The following PTPRD variants were observed in gnomAD, a reference collection of about 807,000 sequenced individuals.
PTPRD encodes the protein receptor-type tyrosine-protein phosphatase delta.
PTPRD carries 34 observed loss-of-function variants against 214.5 expected under a neutral mutation model. The observed-to-expected ratio is 0.16, with a 90% confidence interval of 0.12 to 0.21. The LOEUF is 0.21. PTPRD is among the 10% of genes least tolerant of loss of function. PTPRD has a pLI of 1.00. For missense variants in PTPRD, 2,545 were observed against 2,398.7 expected (o/e 1.06, Z -1.27); for synonymous variants, 1,128 against 845.7 (o/e 1.33, Z -5.79).
At chr9:9,646,995 A>G (rs2096206371) in intron 7 of PTPRD, among the ~76,000 whole-genome samples, 1 of 152,212 alleles carries the variant, frequency 6.6e-6, no homozygotes, top group Non-Finnish European at 1.5e-5. Context: ...ACTGTTGTGG[A>G]CATTTATACA....
intron 5 of PTPRD, among the ~76,000 whole-genome samples, chr9:9,779,329 A>G (rs1183621051): frequency 6.6e-6 from 1 of 152,120 alleles, no homozygotes; most frequent in African/African-American, 2.4e-5. Flanking sequence ...GAAAGCAATT[A>G]CAACAAAAAC....
chr9:8,983,172 G>C (rs899503175), intron 11 of PTPRD, among the ~76,000 whole-genome samples: 3 of 151,772 alleles, frequency 2.0e-5, no homozygotes, highest in African/African-American at 7.3e-5. Context: ...ATTGTGATTA[G>C]CAATAATTAG....
At chr9:9,461,157 T>C (rs567737501) in intron 8 of PTPRD, among the ~76,000 whole-genome samples, 2 of 151,252 alleles carry the variant, frequency 1.3e-5, no homozygotes, top group South Asian at 4.2e-4. Flanking sequence ...TAATAGACAC[T>C]GGGGGATCTA....
chr9:8,741,335 G>GTCATA (rs1363952997), intron 11 of PTPRD, among the ~76,000 whole-genome samples: 2 of 152,242 alleles, frequency 1.3e-5, no homozygotes, highest in East Asian at 3.9e-4. Flanking sequence ...ATTACTGCAT[G>GTCATA]TCATAGCTTC....
intron 11 of PTPRD, among the ~76,000 whole-genome samples, chr9:8,745,674 T>G (rs7041986): frequency 0.071 from 10,832 of 152,224 alleles, 1,024 homozygotes; most frequent in African/African-American, 0.22. Flanking sequence ...AGTAATAGAT[T>G]TTCTAAATTC....
chr9:9,476,543 T>C (rs13287051), intron 8 of PTPRD, among the ~76,000 whole-genome samples: 12,516 of 152,214 alleles, frequency 0.082, 626 homozygotes, highest in South Asian at 0.14. Context: ...AGAAAACTCA[T>C]TGATGTCAAG....
intron 9 of PTPRD, among the ~76,000 whole-genome samples, chr9:9,350,173 T>TA (rs1329234105): frequency 6.6e-6 from 1 of 151,978 alleles, no homozygotes; most frequent in African/African-American, 2.4e-5. Flanking sequence ...CTTAGTATCA[T>TA]AAAAAAATGT....
chr9:10,604,190 T>C (rs1004315888), intron 2 of PTPRD, among the ~76,000 whole-genome samples: 1 of 123,354 alleles, frequency 8.1e-6, no homozygotes, highest in African/African-American at 2.9e-5. Context: ...CTGACCATAT[T>C]CTGACCTAGC....
intron 3 of PTPRD, among the ~76,000 whole-genome samples, chr9:10,199,251 C>T (rs576911681): frequency 2.0e-5 from 3 of 151,904 alleles, no homozygotes; most frequent in East Asian, 1.9e-4. Context: ...TATTTCTTAC[C>T]GTAATTACTT....
chr9:10,377,380 T>C (rs1287950738), intron 2 of PTPRD, among the ~76,000 whole-genome samples: 1 of 151,996 alleles, frequency 6.6e-6, no homozygotes, highest in African/African-American at 2.4e-5. Flanking sequence ...CATGTTGGTG[T>C]GTTGCACCCA....
chr9:8,952,477 C>A (rs2099107839), intron 11 of PTPRD, among the ~76,000 whole-genome samples: 1 of 151,862 alleles, frequency 6.6e-6, no homozygotes. Flanking sequence ...AAATGTTGGG[C>A]TGATTTTAAC....
chr9:10,543,742 A>G (rs1205112042), intron 2 of PTPRD, among the ~76,000 whole-genome samples: 2 of 152,364 alleles, frequency 1.3e-5, no homozygotes, highest in East Asian at 3.9e-4. Flanking sequence ...CTCTGGTGCC[A>G]AGAGCTATTA....
intron 11 of PTPRD, among the ~76,000 whole-genome samples, chr9:8,887,840 C>T (rs186378592): frequency 7.9e-5 from 12 of 152,264 alleles, no homozygotes; most frequent in East Asian, 1.9e-4. Flanking sequence ...ATTATTTCCC[C>T]GCCACTTTCA....
chr9:9,835,354 A>C (rs903126633), intron 5 of PTPRD, among the ~76,000 whole-genome samples: 6 of 152,086 alleles, frequency 3.9e-5, no homozygotes, highest in African/African-American at 1.4e-4. Flanking sequence ...ATGATCCATT[A>C]ATCAGTTACC....
At chr9:9,244,894 AAGGG>A (rs1309711210) in intron 9 of PTPRD, among the ~76,000 whole-genome samples, 2 of 152,192 alleles carry the variant, frequency 1.3e-5, no homozygotes, top group Admixed American at 1.3e-4. Context: ...TCATCTGACA[AAGGG>A]CTAATATCCA....
At chr9:10,577,448 C>A (rs1420259021) in intron 2 of PTPRD, among the ~76,000 whole-genome samples, 2 of 152,160 alleles carry the variant, frequency 1.3e-5, no homozygotes, top group African/African-American at 4.8e-5. Flanking sequence ...GCTTTTAAAA[C>A]CTCCAACTGA....
rs565242027 is a variant in PTPRD at position 9,403,821 on chromosome 9, G to T, written c.-236-6339C>A. ...TTTCCTACTTACATTATTGTGGCATGGAGAGGCAAGAGAAAGACCATACAC... is the reference window on the plus strand; with the variant it reads ...TTTCCTACTTACATTATTGTGGCATTGAGAGGCAAGAGAAAGACCATACAC... On this transcript the variant is annotated intron_variant, in intron 8 of 45. Coordinates refer to ENST00000381196, the MANE Select transcript of PTPRD (RefSeq NM_002839.4). Among the ~76,000 whole-genome samples the T allele has an allele frequency of 5.9e-5, 9 of 152,116 alleles. No individual in the cohort carries two copies. In the South Asian group the frequency reaches 1.9e-3, roughly 32 times the overall value.
At chr9:10,154,261 G>T (rs1047575138) in intron 3 of PTPRD, among the ~76,000 whole-genome samples, 1 of 152,054 alleles carries the variant, frequency 6.6e-6, no homozygotes, top group African/African-American at 2.4e-5. Context: ...TTGGCTGCAT[G>T]TATGTCTTCT....
rs558858819 is a variant in PTPRD, at chr9:8,572,315, C to A, written c.353-43536G>T. Among the ~76,000 whole-genome samples the A allele has an allele frequency of 4.6e-5, 7 of 152,052 alleles. No homozygotes were observed. In the South Asian group the frequency reaches 1.5e-3, roughly 32 times the overall value. On this transcript the variant is annotated intron_variant, in intron 14 of 45. Transcript: ENST00000381196. ...ACTAAAAAGCAAAACCAAACCCTTC[C>A]AAATATCTTCCATGATATTCTCTTA...
Sources: allele counts gnomAD v4.1 joint callset (sites outside exome capture counted in the v4.1 genomes callset), GRCh38; gene constraint gnomAD v4.1.1; transcripts MANE v1.5; gene names NCBI Gene and HGNC (gene_info 2026-07-23, HGNC 2026-07-21).